POLR1D: variants seen among roughly 807,000 people sequenced by gnomAD.
POLR1D encodes DNA-directed RNA polymerases I and III subunit RPAC2.
A neutral mutation model predicts 10.8 loss-of-function variants in POLR1D; 8 were observed. The ratio of observed to expected loss-of-function variants is 0.74; its 90% CI spans 0.43 to 1.33. The LOEUF (loss-of-function observed/expected upper bound fraction) is 1.33. Ranked by LOEUF, POLR1D falls within the 40% of genes most tolerant of loss-of-function variation. The probability of loss-of-function intolerance (pLI) is 0.01; values close to 1 mark genes in which losing one functional copy is unlikely to be tolerated. For synonymous variants in POLR1D, 54 were observed against 57.2 expected, an observed-to-expected ratio of 0.94 and a Z score of 0.25; for missense variants, 152 against 161.7, an observed-to-expected ratio of 0.94 and a Z score of 0.32.
intron 1 of POLR1D, among the ~76,000 whole-genome samples, chr13:27,637,510 A>C (rs1249226545): frequency 1.3e-5 from 2 of 152,186 alleles, no homozygotes; most frequent in Admixed American, 6.5e-5. Context: ...CATCACTTTG[A>C]ACTTTTATAA....
chr13:27,626,054 A>T (rs537232151), downstream of POLR1D, among the ~76,000 whole-genome samples: 1 of 152,348 alleles, frequency 6.6e-6, no homozygotes, highest in South Asian at 2.1e-4. Flanking sequence ...TCTTATGGTG[A>T]CAGTAAGAAA....
At chr13:27,664,263 T>C (rs771401392) in intron 2 of POLR1D, among the ~76,000 whole-genome samples, 1 of 152,210 alleles carries the variant, frequency 6.6e-6, no homozygotes, top group Non-Finnish European at 1.5e-5. Context: ...TTCTGGAAGC[T>C]CTGTGAAGCT....
At chr13:27,656,122 A>G (rs2138566361) in intron 2 of POLR1D, among the ~76,000 whole-genome samples, 1 of 152,340 alleles carries the variant, frequency 6.6e-6, no homozygotes, top group Non-Finnish European at 1.5e-5. Flanking sequence ...AGCCAGGCAC[A>G]AAACCTAGAA....
intron 1 of POLR1D, among the ~76,000 whole-genome samples, chr13:27,639,832 T>C (rs896634307): frequency 6.6e-6 from 1 of 152,198 alleles, no homozygotes; most frequent in African/African-American, 2.4e-5. Flanking sequence ...AGAGCAGTTC[T>C]TGTCATGATA....
At chr13:27,626,331 C>T (rs989879273), downstream of POLR1D, among the ~76,000 whole-genome samples, 2 of 152,204 alleles carry the variant, frequency 1.3e-5, no homozygotes, top group Non-Finnish European at 1.5e-5. Flanking sequence ...GGCGACCGCT[C>T]ACCACATCAC....
At chr13:27,634,259 T>C (rs1169713288) in intron 1 of POLR1D, among the ~76,000 whole-genome samples, 1 of 152,226 alleles carries the variant, frequency 6.6e-6, no homozygotes, top group Non-Finnish European at 1.5e-5. Context: ...TTAGGAACTG[T>C]TGTGCTGAAA....
At chr13:27,634,106 G>T (rs1956099397) in intron 1 of POLR1D, among the ~76,000 whole-genome samples, 1 of 152,168 alleles carries the variant, frequency 6.6e-6, no homozygotes, top group African/African-American at 2.4e-5. Context: ...GGCAAAGACT[G>T]CAGTTTGTCC....
intron 1 of POLR1D, among the ~76,000 whole-genome samples, chr13:27,638,742 G>A (rs1956149311): frequency 6.6e-6 from 1 of 152,124 alleles, no homozygotes; most frequent in Admixed American, 6.5e-5. Flanking sequence ...CTGAGGTATT[G>A]TTTAGGACAG....
chr13:27,654,995 C>T (rs552518904), intron 2 of POLR1D, among the ~76,000 whole-genome samples: 1 of 152,114 alleles, frequency 6.6e-6, no homozygotes, highest in Admixed American at 6.5e-5. Context: ...TCAGGGTTCA[C>T]GGGTCACATG....
intron 2 of POLR1D, among the ~76,000 whole-genome samples, chr13:27,656,216 A>G (rs1206556989): frequency 6.6e-6 from 1 of 152,218 alleles, no homozygotes; most frequent in Non-Finnish European, 1.5e-5. Flanking sequence ...ACAAAAAGTT[A>G]ACTTGTGAAA....
At chr13:27,646,469 C>A (rs11838406) in intron 1 of POLR1D, among the ~76,000 whole-genome samples, 16,895 of 152,126 alleles carry the variant, frequency 0.11, 1,033 homozygotes, top group East Asian at 0.26. Flanking sequence ...GATGAACTTA[C>A]CTCTTTGTGA....
intron 2 of POLR1D, chr13:27,650,279 G>GT (rs1405775282): frequency 1.6e-5 from 6 of 382,696 alleles, no homozygotes; most frequent in Non-Finnish European, 1.9e-5. Flanking sequence ...CAGCATCAGT[G>GT]TGTGATAATA....
intron 1 of POLR1D, chr13:27,622,387 T>C: frequency 3.0e-6 from 1 of 335,944 alleles, no homozygotes; most frequent in Non-Finnish European, 5.5e-6. Flanking sequence ...CGCTGAGCTC[T>C]TTTTCTCCCT....
chr13:27,664,258 G>A (rs1467392797), intron 2 of POLR1D, among the ~76,000 whole-genome samples: 2 of 152,156 alleles, frequency 1.3e-5, no homozygotes, highest in African/African-American at 4.8e-5. Flanking sequence ...ACCTTTTCTG[G>A]AAGCTCTGTG....
intron 1 of POLR1D, among the ~76,000 whole-genome samples, chr13:27,634,553 T>C (rs917835150): frequency 7.2e-5 from 11 of 152,174 alleles, no homozygotes; most frequent in African/African-American, 2.7e-4. Context: ...TCAAGGTAGA[T>C]AGTGTCTTTT....
At chr13:27,652,541 G>A (rs655885) in intron 2 of POLR1D, among the ~76,000 whole-genome samples, 105,433 of 152,066 alleles carry the variant, frequency 0.69, 38,163 homozygotes, top group East Asian at 0.91. Context: ...CCACATTTCA[G>A]TTAGCAGAAA....
rs540366704 is a variant in POLR1D, at chr13:27,652,958, C to T, written c.101+4505C>T. On this transcript the variant is annotated intron_variant, in intron 2 of 2. Transcript: ENST00000399697. ...TTTTTGAGACGGAGTCTTGCTCTGT[C>T]GCTGGATCTCAGCTCACTGCAACCT... Among the ~76,000 whole-genome samples, 16 of 112,694 alleles carry T rather than the reference C, an allele frequency of 1.4e-4. No homozygotes were observed. In the South Asian group the frequency reaches 2.1e-3, roughly 15 times the overall value. 73.9% of individuals were successfully genotyped at this position (112,694 alleles called of 152,430 possible).
chr13:27,629,122 C>T (rs1004831052), intron 1 of POLR1D, among the ~76,000 whole-genome samples: 2 of 152,192 alleles, frequency 1.3e-5, no homozygotes, highest in Non-Finnish European at 2.9e-5. Flanking sequence ...CTGTGCCCAG[C>T]CAAAATAGAC....
downstream of POLR1D, among the ~76,000 whole-genome samples, chr13:27,626,674 A>T (rs916716395): frequency 6.6e-6 from 1 of 152,250 alleles, no homozygotes; most frequent in African/African-American, 2.4e-5. Flanking sequence ...CATGCCAGTG[A>T]TTCAAGATCA....
Sources: allele counts gnomAD v4.1 joint callset (sites outside exome capture counted in the v4.1 genomes callset), GRCh38; gene constraint gnomAD v4.1.1; transcripts MANE v1.5; gene names NCBI Gene and HGNC (gene_info 2026-07-23, HGNC 2026-07-21).